INPP4A: variants seen among roughly 807,000 people sequenced by gnomAD.
INPP4A encodes inositol polyphosphate-4-phosphatase, type I, 107kD.
In INPP4A, 33 loss-of-function variants were observed where a neutral mutation model predicts 119.8. That is an observed-to-expected ratio of 0.28 (90% CI 0.21 to 0.37). The LOEUF (loss-of-function observed/expected upper bound fraction) is 0.37, where lower values mean the gene tolerates loss of function less well. INPP4A is among the 10% of genes least tolerant of loss of function. The pLI, the probability that INPP4A is intolerant of heterozygous loss-of-function variation, is 1.00. For synonymous variants in INPP4A, 496 were observed against 500.7 expected (o/e 0.99, Z 0.12); for missense variants, 956 against 1,289.9 (o/e 0.74, Z 3.97).
At position 98,488,935 on chromosome 2, in the gene INPP4A, C is replaced by CTGTGTGTGTG. The variant is rs55758146; in HGVS notation, c.-165-29989_-165-29980dup. ...GGATTCTTGCTTTTGAGTACATGCA[C>CTGTGTGTGTG]TGTGTGTGTGTGTGTGTGTGTGTGT... On this transcript the variant is annotated intron_variant, in intron 1 of 24. Coordinates refer to ENST00000409851, the MANE Select transcript of INPP4A (RefSeq NM_001134225.2). 9.3e-4 allele frequency among the ~76,000 whole-genome samples: 117 copies of CTGTGTGTGTG among 126,120 alleles called. 2 individuals are homozygous for CTGTGTGTGTG. Among genetic ancestry groups the CTGTGTGTGTG allele is most frequent in the African/African-American group, 2.6e-3 (86 of 33,498 alleles). The allele number at this position is 126,120 out of a possible 152,430, so 82.7% of individuals were successfully genotyped here. A position where few individuals can be genotyped will look rare whatever the true frequency, so the allele number is the denominator to read the frequency against.
chr2:98,461,912 A>G (rs1288932068), intron 1 of INPP4A, among the ~76,000 whole-genome samples: 1 of 152,168 alleles, frequency 6.6e-6, no homozygotes, highest in Admixed American at 6.5e-5. Context: ...GCTTCTTTCC[A>G]GCCTGTGCTT....
At chr2:98,575,768 C>G (rs557008371) in intron 23 of INPP4A, among the ~76,000 whole-genome samples, 4 of 152,306 alleles carry the variant, frequency 2.6e-5, no homozygotes, top group Non-Finnish European at 5.9e-5. Flanking sequence ...TGATATTTTT[C>G]TGGCATACAA....
Position 98,552,817 on chromosome 2 carries a change from A to G in INPP4A, c.1195A>G (p.Ile399Val), listed in dbSNP as rs761294905. 6.2e-7 allele frequency: 1 copy of G among 1,613,680 alleles called. No individual in the cohort carries two copies. Among genetic ancestry groups the G allele is most frequent in the Non-Finnish European group, 8.5e-7 (1 of 1,179,752 alleles). The change falls in exon 14 of 25, where the codon ATA (isoleucine) becomes GTA (valine). Residue 399 changes from isoleucine to valine, a missense_variant. Ile to Val is a conservative substitution (Grantham distance 29). Transcript: ENST00000409851. ...TSSGCQSIIY[I>V]PQDVVRAKEI... ...ATCTGGCTGCCAGTCCATAATCTAC[A>G]TACCCCAGGATGTTGTCAGAGCCAA...
At chr2:98,548,317 A>G (rs768522516) in intron 13 of INPP4A, among the ~76,000 whole-genome samples, 2 of 152,150 alleles carry the variant, frequency 1.3e-5, no homozygotes, top group Non-Finnish European at 2.9e-5. Flanking sequence ...AGGTAACCAG[A>G]CCTGTCTTAG....
At chr2:98,509,143 G>T (rs115255155) in intron 1 of INPP4A, among the ~76,000 whole-genome samples, 1 of 152,294 alleles carries the variant, frequency 6.6e-6, no homozygotes, top group Non-Finnish European at 1.5e-5. Context: ...TCTGGACCAA[G>T]CCTCTTATCA....
At chr2:98,488,627 C>T (rs1455681275) in intron 1 of INPP4A, among the ~76,000 whole-genome samples, 4 of 152,226 alleles carry the variant, frequency 2.6e-5, no homozygotes. Flanking sequence ...CTGCTAGTTC[C>T]TCTCTGAGTC....
intron 1 of INPP4A, among the ~76,000 whole-genome samples, chr2:98,493,262 A>G (rs918554070): frequency 6.6e-6 from 1 of 151,922 alleles, no homozygotes; most frequent in African/African-American, 2.4e-5. Context: ...TGAGCCCCCT[A>G]CGTGTCCAGG....
intron 1 of INPP4A, among the ~76,000 whole-genome samples, chr2:98,482,398 T>C (rs891182692): frequency 6.6e-6 from 1 of 152,224 alleles, no homozygotes; most frequent in Non-Finnish European, 1.5e-5. Flanking sequence ...CAAGGGATGT[T>C]AGGATTGGTT....
rs1359950097 is a variant in INPP4A, at chr2:98,568,448, T to C, written c.2421-123T>C. On this transcript the variant is annotated intron_variant, in intron 21 of 24. Coordinates refer to ENST00000409851, the MANE Select transcript of INPP4A (RefSeq NM_001134225.2). ...TATGCTCGGAAGAGGGAGAGTGGCT[T>C]AGAATTTAGATATGCATAGTAAATG... The C allele has an allele frequency of 7.9e-6, 5 of 629,732 alleles. No individual in the cohort carries two copies. The African/African-American group carries it at 9.2e-5, about 12-fold the overall frequency. 39.0% of individuals were successfully genotyped at this position (629,732 alleles called of 1,614,324 possible).
At chr2:98,520,802 C>G (rs1363507699) in intron 4 of INPP4A, 71 bp downstream of exon 4, 17 of 823,428 alleles carry the variant, frequency 2.1e-5, no homozygotes, top group Admixed American at 5.0e-5. Flanking sequence ...AACACTACCA[C>G]CAGTGCATGG....
intron 1 of INPP4A, among the ~76,000 whole-genome samples, chr2:98,464,880 A>G (rs188715364): frequency 1.3e-5 from 2 of 152,220 alleles, no homozygotes; most frequent in African/African-American, 4.8e-5. Context: ...GACAGAATCA[A>G]CTGAGACGAT....
Position 98,559,580 on chromosome 2 carries a change from G to C in INPP4A, c.1855+85G>C, listed in dbSNP as rs999633951. ...TTTTGTAGCTAAATTACAAAAGATT[G>C]CCTTATGATCCCAGAGTTGGGAAAG... On this transcript the variant is annotated intron_variant, in intron 17 of 24. Transcript: ENST00000409851. 8 of 1,395,364 alleles carry C rather than the reference G, an allele frequency of 5.7e-6. No homozygotes were observed. In the East Asian group the frequency reaches 1.9e-4, roughly 33 times the overall value. 86.4% of individuals were successfully genotyped at this position (1,395,364 alleles called of 1,614,324 possible). A position where few individuals can be genotyped will look rare whatever the true frequency, so the allele number is the denominator to read the frequency against.
At chr2:98,582,730 G>T (rs1014166524) in intron 24 of INPP4A, among the ~76,000 whole-genome samples, 2 of 148,610 alleles carry the variant, frequency 1.3e-5, no homozygotes, top group Non-Finnish European at 3.0e-5. Context: ...CAGACAGAAA[G>T]ATAACCTACT....
Position 98,566,230 on chromosome 2 carries a change from G to A in INPP4A, c.2420+61G>A, listed in dbSNP as rs140846661. On this transcript the variant is annotated intron_variant, in intron 21 of 24. Transcript: ENST00000409851. The surrounding 1 kb of genome is among the most constrained non-coding windows in gnomAD (Gnocchi z 4.2). The stretch of plus-strand genomic sequence containing the variant: ...TGGCCCTGGAGATGATGCAGAAAAC[G>A]TACTTACCCCTCTTCAGGCTCTAAG... The A allele has an allele frequency of 1.3e-5, 20 of 1,485,428 alleles. No individual in the cohort carries two copies. The highest frequency in any genetic ancestry group is 2.4e-5 in the East Asian group (1 of 41,024). 92.0% of individuals were successfully genotyped at this position (1,485,428 alleles called of 1,614,324 possible).
At chr2:98,444,794 CGGGCCG>C (rs1558838833), upstream of INPP4A, 1 of 150,666 alleles carries the variant, frequency 6.6e-6, no homozygotes, top group African/African-American at 2.4e-5. Flanking sequence ...TCGCAGGGCG[CGGGCCG>C]GGCCCTCAGC....
intron 16 of INPP4A, among the ~76,000 whole-genome samples, chr2:98,556,489 C>T (rs1575070333): frequency 6.6e-6 from 1 of 152,328 alleles, no homozygotes; most frequent in East Asian, 1.9e-4. Flanking sequence ...TGCAGATGGC[C>T]TTAAAGCTGG....
chr2:98,556,634 A>T (rs1575070825), intron 16 of INPP4A, among the ~76,000 whole-genome samples: 1 of 152,228 alleles, frequency 6.6e-6, no homozygotes, highest in Admixed American at 6.5e-5. Flanking sequence ...TTTAAGTCAT[A>T]GTAGGTAAGG....
intron 4 of INPP4A, among the ~76,000 whole-genome samples, chr2:98,530,143 CTT>C (rs1455334995): frequency 6.6e-6 from 1 of 150,872 alleles, no homozygotes; most frequent in South Asian, 2.1e-4. Context: ...GAAAGAAAAT[CTT>C]TTTCTAGATA....
chr2:98,574,288 C>G (rs1174819903), intron 23 of INPP4A, among the ~76,000 whole-genome samples: 2 of 152,030 alleles, frequency 1.3e-5, no homozygotes, highest in Non-Finnish European at 2.9e-5. Context: ...AGCCTCTTAC[C>G]TAAGTACCTT....
Sources: allele counts gnomAD v4.1 joint callset (sites outside exome capture counted in the v4.1 genomes callset), GRCh38; gene constraint gnomAD v4.1.1; non-coding constraint Gnocchi (gnomAD v3.1); transcripts MANE v1.5; gene names NCBI Gene and HGNC (gene_info 2026-07-23, HGNC 2026-07-21).